Variants in GPC4 observed in about 807,000 individuals in gnomAD.
GPC4 encodes the protein glypican 4.
Under a neutral mutation model 35.0 loss-of-function variants are expected in GPC4, and 10 were observed. The ratio of observed to expected loss-of-function variants is 0.29; its 90% confidence interval spans 0.18 to 0.48. The LOEUF (loss-of-function observed/expected upper bound fraction) is 0.48. Among genes scored for constraint, GPC4 ranks in the 20% least tolerant of loss-of-function variants. The pLI, the probability that GPC4 is intolerant of heterozygous loss-of-function variation, is 0.99. For missense variants in GPC4, 322 were observed against 451.3 expected (o/e 0.71, Z 2.60); for synonymous variants, 167 against 170.2 (o/e 0.98, Z 0.15).
chrX:133,322,415 G>A, intron 3 of GPC4, among the ~76,000 whole-genome samples: 1 of 104,350 alleles, frequency 9.6e-6, no homozygotes, highest in Non-Finnish European at 1.9e-5. Context: ...CTGCACTCAA[G>A]CCTGGGTGAC....
chrX:133,410,942 C>A (rs1424620970), intron 1 of GPC4, among the ~76,000 whole-genome samples: 1 of 111,947 alleles, frequency 8.9e-6, no homozygotes. Context: ...TTGATGATTC[C>A]AACAAAACAG....
At position 133,315,666 on chromosome X, in the gene GPC4, C is replaced by T. The variant is rs7883015; in HGVS notation, c.712-4243G>A. 1.9e-3 allele frequency among the ~76,000 whole-genome samples: 214 copies of T among 111,569 alleles called. 1 individual carries two copies. Among genetic ancestry groups the T allele is most frequent in the African/African-American group, 6.8e-3 (208 of 30,740 alleles). ...GTAGATCATGCCACACAGGGATTAA[C>T]GAAAAGGTCTTCCTTTAATCTTCAG... On this transcript the variant is annotated intron_variant, in intron 3 of 8. Transcript: ENST00000370828.
chrX:133,390,981 G>A (rs1295543353), intron 1 of GPC4, among the ~76,000 whole-genome samples: 2 of 111,387 alleles, frequency 1.8e-5, no homozygotes, highest in Non-Finnish European at 3.8e-5. Flanking sequence ...CTTAGAATAG[G>A]AAAAAAGAAA....
At chrX:133,389,247 C>A (rs1219052207) in intron 1 of GPC4, among the ~76,000 whole-genome samples, 1 of 111,456 alleles carries the variant, frequency 9.0e-6, no homozygotes, top group Non-Finnish European at 1.9e-5. Flanking sequence ...GCATGAACCA[C>A]CACACCCAGC....
chrX:133,360,362 T>C (rs1164139907), intron 1 of GPC4, among the ~76,000 whole-genome samples: 1 of 111,512 alleles, frequency 9.0e-6, no homozygotes, highest in Non-Finnish European at 1.9e-5. Flanking sequence ...ACAGGAATAT[T>C]ATTTCTTTTA....
At chrX:133,347,248 GTTTTTTTTTTT>G (rs763800349) in intron 1 of GPC4, among the ~76,000 whole-genome samples, 2 of 25,426 alleles carry the variant, frequency 7.9e-5, no homozygotes, top group Non-Finnish European at 1.3e-4. Flanking sequence ...TCTATTAGAA[GTTTTTTTTTTT>G]TTTTTTTTTT....
At chrX:133,354,198 A>G (rs1391961197) in intron 1 of GPC4, among the ~76,000 whole-genome samples, 1 of 112,026 alleles carries the variant, frequency 8.9e-6, no homozygotes, top group Non-Finnish European at 1.9e-5. Flanking sequence ...CTTTAAGAGT[A>G]CACTTAAAGG....
chrX:133,358,117 A>C (rs769425639), intron 1 of GPC4, among the ~76,000 whole-genome samples: 193 of 112,504 alleles, frequency 1.7e-3, no homozygotes, highest in Non-Finnish European at 3.0e-3. Flanking sequence ...TATGAGCTAC[A>C]GAATCTTTTC....
chrX:133,325,972 C>T (rs1422797545), intron 2 of GPC4, among the ~76,000 whole-genome samples: 5 of 110,757 alleles, frequency 4.5e-5, no homozygotes, highest in African/African-American at 1.6e-4. Context: ...AGGATGAAGT[C>T]CACAGTCCTC....
intron 1 of GPC4, among the ~76,000 whole-genome samples, chrX:133,381,594 T>G (rs1161534301): frequency 2.7e-5 from 3 of 112,655 alleles, no homozygotes; most frequent in African/African-American, 9.7e-5. Context: ...CTGACTTCCC[T>G]GTCCACAGTT....
rs149884290 is a variant in GPC4, at chrX:133,347,713, C to T, written c.161-8372G>A. On this transcript the variant is annotated intron_variant, in intron 1 of 8. Transcript: ENST00000370828. ...TAATAACTCCAGGGAGGTGGGGGGA[C>T]GTGTACATTAATCCATCCTCCCTCC... Among the ~76,000 whole-genome samples, 33 of 111,049 alleles carry T rather than the reference C, an allele frequency of 3.0e-4. No homozygotes were observed. In the East Asian group the frequency reaches 8.0e-3, roughly 27 times the overall value.
chrX:133,394,921 G>A (rs186159393), intron 1 of GPC4, among the ~76,000 whole-genome samples: 26 of 111,700 alleles, frequency 2.3e-4, no homozygotes, highest in African/African-American at 7.5e-4. Context: ...TGTCATTTAC[G>A]TAACAGCCTC....
At chrX:133,384,469 G>A (rs2068678933) in intron 1 of GPC4, among the ~76,000 whole-genome samples, 1 of 111,526 alleles carries the variant, frequency 9.0e-6, no homozygotes, top group Non-Finnish European at 1.9e-5. Context: ...CTCAGTCTTC[G>A]GTTTGAAAGG....
At chrX:133,319,121 C>T (rs2068351888) in intron 3 of GPC4, among the ~76,000 whole-genome samples, 1 of 111,411 alleles carries the variant, frequency 9.0e-6, no homozygotes, top group South Asian at 3.8e-4. Flanking sequence ...GCAAACAAGA[C>T]CATGATGCTT....
At chrX:133,315,400 G>A (rs1451091360) in intron 3 of GPC4, among the ~76,000 whole-genome samples, 1 of 110,080 alleles carries the variant, frequency 9.1e-6, no homozygotes, top group Non-Finnish European at 1.9e-5. Context: ...GCACTGCTGG[G>A]GGCTCTTTCA....
intron 1 of GPC4, among the ~76,000 whole-genome samples, chrX:133,341,109 C>T (rs2068465067): frequency 8.9e-6 from 1 of 111,890 alleles, no homozygotes; most frequent in South Asian, 3.7e-4. Context: ...TATGGAAACA[C>T]CTTTGTTACA....
chrX:133,339,641 A>G (rs2124133634), intron 1 of GPC4, among the ~76,000 whole-genome samples: 1 of 112,641 alleles, frequency 8.9e-6, no homozygotes, highest in South Asian at 3.7e-4. Context: ...CTCTTTTATA[A>G]ATTCCCAGAG....
At chrX:133,355,439 C>G (rs1314076332) in intron 1 of GPC4, among the ~76,000 whole-genome samples, 1 of 111,924 alleles carries the variant, frequency 8.9e-6, no homozygotes, top group Non-Finnish European at 1.9e-5. Context: ...ACCTTCATAG[C>G]TCCATGATTT....
At chrX:133,328,260 G>C (rs1274858076) in intron 2 of GPC4, among the ~76,000 whole-genome samples, 1 of 111,321 alleles carries the variant, frequency 9.0e-6, no homozygotes, top group Non-Finnish European at 1.9e-5. Context: ...CTTTTTAGAT[G>C]GATTCTTACT....
Sources: gnomAD v4.1 joint callset for allele counts (sites outside exome capture counted in the v4.1 genomes callset) on GRCh38, gnomAD v4.1.1 for gene constraint, MANE v1.5 for transcripts, NCBI Gene and HGNC (gene_info 2026-07-23, HGNC 2026-07-21) for gene names.